MAPK10: variants seen among roughly 807,000 people sequenced by gnomAD.
The protein encoded by MAPK10 is mitogen-activated protein kinase 10, also known as JNK3 alpha protein kinase.
Under a neutral mutation model 59.3 loss-of-function variants are expected in MAPK10, and 25 were observed. The ratio of observed to expected loss-of-function variants is 0.42; its 90% CI spans 0.31 to 0.59. The LOEUF (loss-of-function observed/expected upper bound fraction) is 0.59, where lower values mean the gene tolerates loss of function less well. Ranked by LOEUF, MAPK10 falls within the 20% of genes least tolerant of loss-of-function variation. The pLI is 0.15. For synonymous variants in MAPK10, 190 were observed against 200.5 expected, an observed-to-expected ratio of 0.95 and a Z score of 0.44; for missense variants, 351 against 568.9, an observed-to-expected ratio of 0.62 and a Z score of 3.90.
In MAPK10 at chr4:86,359,845, C is replaced by T. The variant is rs1191939648; in HGVS notation, c.-309G>A. On this transcript the variant is annotated 5_prime_UTR_variant, in exon 1 of 14. Transcript: ENST00000641462. ...CCCAATCTTAAACTCACTCAAGCCCCTAGGAATTGAGGGGTGAGGACAAAA... is the reference window on the plus strand; with the variant it reads ...CCCAATCTTAAACTCACTCAAGCCCTTAGGAATTGAGGGGTGAGGACAAAA... 1.0e-6 allele frequency: 1 copy of T among 985,446 alleles called. No homozygotes were observed. Among genetic ancestry groups the T allele is most frequent in the Non-Finnish European group, 1.2e-6 (1 of 829,882 alleles). The allele number at this position is 985,446 out of a possible 1,614,324, so 61.0% of individuals were successfully genotyped here. A position where few individuals can be genotyped will look rare whatever the true frequency, so the allele number is the denominator to read the frequency against.
At chr4:86,120,821 A>C (rs2059117051) in intron 4 of MAPK10, among the ~76,000 whole-genome samples, 1 of 152,158 alleles carries the variant, frequency 6.6e-6, no homozygotes, top group African/African-American at 2.4e-5. Context: ...CCCTGCTATA[A>C]GGCATATAGG....
chr4:86,465,196 TTGTC>T (rs1752090820), intron 1 of MAPK10, among the ~76,000 whole-genome samples: 1 of 152,240 alleles, frequency 6.6e-6, no homozygotes, highest in Non-Finnish European at 1.5e-5. Context: ...TTTTCTCACT[TTGTC>T]TGGACTACAT....
chr4:86,111,641 G>A (rs1438837918), intron 4 of MAPK10, among the ~76,000 whole-genome samples: 1 of 152,136 alleles, frequency 6.6e-6, no homozygotes, highest in Non-Finnish European at 1.5e-5. Context: ...GTATCTTATT[G>A]AGGATTTTTG....
chr4:86,135,304 G>C (rs2061777630), intron 4 of MAPK10, among the ~76,000 whole-genome samples: 1 of 152,204 alleles, frequency 6.6e-6, no homozygotes, highest in Non-Finnish European at 1.5e-5. Context: ...GCTTTGAAGA[G>C]AGCAGTGGAT....
At chr4:86,206,167 A>G (rs7676652) in intron 2 of MAPK10, among the ~76,000 whole-genome samples, 48,532 of 150,914 alleles carry the variant, frequency 0.32, 10,757 homozygotes, top group African/African-American at 0.63. Context: ...TTAGCATTAG[A>G]TATATCTCCT....
chr4:86,236,809 C>T (rs1007235661), intron 2 of MAPK10, among the ~76,000 whole-genome samples: 1 of 151,978 alleles, frequency 6.6e-6, no homozygotes, highest in African/African-American at 2.4e-5. Flanking sequence ...ATAGCATCAT[C>T]AACTAAAATT....
chr4:86,350,878 A>C (rs866492517), intron 2 of MAPK10, among the ~76,000 whole-genome samples: 4 of 152,344 alleles, frequency 2.6e-5, no homozygotes, highest in East Asian at 3.9e-4. Flanking sequence ...ACAGATTTAG[A>C]TGAAAAAGGA....
At chr4:86,087,768 G>A (rs2052211770) in intron 9 of MAPK10, among the ~76,000 whole-genome samples, 2 of 151,938 alleles carry the variant, frequency 1.3e-5, no homozygotes, top group South Asian at 4.1e-4. Context: ...AATATGTAGA[G>A]AGAATATATG....
At chr4:86,149,174 C>G (rs2065758839) in intron 4 of MAPK10, among the ~76,000 whole-genome samples, 1 of 152,162 alleles carries the variant, frequency 6.6e-6, no homozygotes, top group African/African-American at 2.4e-5. Flanking sequence ...TCTCATTAGG[C>G]TTGAAAATTA....
intron 3 of MAPK10, among the ~76,000 whole-genome samples, chr4:86,177,335 A>G (rs1024272964): frequency 1.3e-5 from 2 of 152,098 alleles, no homozygotes; most frequent in African/African-American, 2.4e-5. Flanking sequence ...TACATTATGC[A>G]GGTTTTTCCT....
chr4:86,591,035 T>A lies in MAPK10; in HGVS notation c.-263+2875A>T, dbSNP rs566371162. Among the ~76,000 whole-genome samples, 209 of 152,310 alleles carry A rather than the reference T, an allele frequency of 1.4e-3. 1 individual carries two copies. The highest frequency in any genetic ancestry group is 2.2e-3 in the Admixed American group (33 of 15,304). On this transcript the variant is annotated intron_variant, in intron 1 of 4. Transcript: ENST00000502302. Reference sequence around the variant, plus strand: ...CACAATCATAGTCCACTACAAATTATATCATTTTTAAAGTATGTCTTATAA... The same window carrying A: ...CACAATCATAGTCCACTACAAATTAAATCATTTTTAAAGTATGTCTTATAA...
intron 1 of MAPK10, among the ~76,000 whole-genome samples, chr4:86,450,514 AC>A (rs1190781881): frequency 4.6e-5 from 7 of 152,226 alleles, no homozygotes; most frequent in African/African-American, 1.7e-4. Flanking sequence ...TGGGGGAAAA[AC>A]AGAGATTTAT....
At chr4:86,353,991 T>C (rs1205481209) in intron 2 of MAPK10, among the ~76,000 whole-genome samples, 2 of 152,194 alleles carry the variant, frequency 1.3e-5, no homozygotes, top group Non-Finnish European at 2.9e-5. Flanking sequence ...AGAGCAACTG[T>C]ATCTATTTTT....
At chr4:86,388,100 G>T (rs192344448) in intron 1 of MAPK10, among the ~76,000 whole-genome samples, 1 of 151,656 alleles carries the variant, frequency 6.6e-6, no homozygotes, top group African/African-American at 2.4e-5. Flanking sequence ...CTGTAATCGG[G>T]TTAGAAAATC....
intron 4 of MAPK10, among the ~76,000 whole-genome samples, chr4:86,133,989 C>T (rs1468091806): frequency 2.0e-5 from 3 of 152,150 alleles, no homozygotes; most frequent in Non-Finnish European, 4.4e-5. Flanking sequence ...GTACAATATT[C>T]CTAAGAAATG....
chr4:86,211,987 T>C (rs929142951), intron 2 of MAPK10, among the ~76,000 whole-genome samples: 5 of 151,970 alleles, frequency 3.3e-5, no homozygotes, highest in Non-Finnish European at 7.4e-5. Context: ...TAAAATGTTT[T>C]AGTACAAAAG....
chr4:86,112,019 T>C (rs569161368), intron 4 of MAPK10, among the ~76,000 whole-genome samples: 1 of 152,342 alleles, frequency 6.6e-6, no homozygotes, highest in East Asian at 1.9e-4. Flanking sequence ...GAGTTGTTTA[T>C]AGTATTCTCT....
chr4:86,344,591 TGGGAGGGA>T (rs1160109859), intron 2 of MAPK10, among the ~76,000 whole-genome samples: 1 of 69,768 alleles, frequency 1.4e-5, no homozygotes, highest in African/African-American at 5.7e-5. Flanking sequence ...TAAATATTCG[TGGGAGGGA>T]GGGAGGGAGG....
rs10525325 is a variant in MAPK10 at position 86,165,543 on chromosome 4, ATTTTTTTTTTTTTTTTTTTTTTT to A, written c.67-6099_67-6077del. Among the ~76,000 whole-genome samples, 20 of 57,300 alleles carry A rather than the reference ATTTTTTTTTTTTTTTTTTTTTTT, an allele frequency of 3.5e-4. 1 individual carries two copies. Among genetic ancestry groups the A allele is most frequent in the South Asian group, 1.3e-3 (2 of 1,532 alleles). 37.6% of individuals were successfully genotyped at this position (57,300 alleles called of 152,430 possible). On this transcript the variant is annotated intron_variant, in intron 3 of 13. Coordinates refer to ENST00000641462, the MANE Select transcript of MAPK10 (RefSeq NM_138982.4). ...AGGCACATGCCACCACTCCCAGATA[ATTTTTTTTTTTTTTTTTTTTTTT>A]TTTTTTTTTTTTTTTTTAGAGATGA...
Sources: allele counts gnomAD v4.1 joint callset (sites outside exome capture counted in the v4.1 genomes callset), GRCh38; gene constraint gnomAD v4.1.1; transcripts MANE v1.5; gene names NCBI Gene and HGNC (gene_info 2026-07-23, HGNC 2026-07-21).